The following MEG3 variants were observed in gnomAD, a reference collection of about 807,000 sequenced individuals.
The protein encoded by MEG3 is maternally expressed 3, also known as Very putative protein from MEG3 locus.
downstream of MEG3, chr14:100,831,803 A>G (rs983283746): frequency 1.7e-4 from 26 of 152,170 alleles, no homozygotes; most frequent in African/African-American, 5.1e-4. Flanking sequence ...TCCTAGTTAA[A>G]TTACTTAGTG....
chr14:100,836,041 G>C (rs1359539012), intron 1 of MEG3: 1 of 363,894 alleles, frequency 2.7e-6, no homozygotes, highest in African/African-American at 2.1e-5. Flanking sequence ...GCATCCCCCA[G>C]TAGTCACCCC....
intron 3 of MEG3, chr14:100,848,991 T>A (rs562972205): frequency 6.6e-6 from 1 of 151,842 alleles, no homozygotes; most frequent in South Asian, 2.1e-4. Context: ...AATAGAGGAG[T>A]GACCTGAATA....
exon 1 of MEG3, chr14:100,859,949 A>G (rs953283587): frequency 8.5e-5 from 13 of 152,238 alleles, no homozygotes; most frequent in African/African-American, 3.1e-4. Flanking sequence ...GTTGTTTGTA[A>G]CCTGGAAAGC....
exon 1 of MEG3, chr14:100,834,682 A>G (rs1566722441): frequency 2.2e-6 from 1 of 456,202 alleles, no homozygotes; most frequent in East Asian, 7.0e-5. Flanking sequence ...GTGTCTCCTC[A>G]GGGTGTCCCA....
At chr14:100,857,622 T>C (rs2038280684) in exon 1 of MEG3, 1 of 152,182 alleles carries the variant, frequency 6.6e-6, no homozygotes, top group East Asian at 1.9e-4. Flanking sequence ...GTTTGATTGA[T>C]GAGTGATGGC....
At chr14:100,850,710 A>G (rs766739182) in intron 3 of MEG3, 3 of 152,232 alleles carry the variant, frequency 2.0e-5, no homozygotes, top group Non-Finnish European at 2.9e-5. Flanking sequence ...AGAAATGAAT[A>G]AAGAATAAAA....
At chr14:100,828,488 C>T (rs1236998858) in intron 1 of MEG3, among the ~76,000 whole-genome samples, 3 of 83,194 alleles carry the variant, frequency 3.6e-5, no homozygotes, top group Non-Finnish European at 5.0e-5. Context: ...TCTCTTTTCC[C>T]CTCCCCTTCT....
At chr14:100,852,265 G>C, upstream of MEG3, 1 of 506,488 alleles carries the variant, frequency 2.0e-6, no homozygotes, top group South Asian at 1.4e-5. Flanking sequence ...CAAAGCTATG[G>C]GGTTATAGAC....
intron 2 of MEG3, among the ~76,000 whole-genome samples, chr14:100,842,528 T>C (rs946755386): frequency 1.3e-5 from 2 of 152,144 alleles, no homozygotes; most frequent in African/African-American, 2.4e-5. Context: ...GCAAAGAGCT[T>C]GCATTTGTCA....
chr14:100,844,275 G>A (rs916193919), intron 2 of MEG3, among the ~76,000 whole-genome samples: 4 of 152,062 alleles, frequency 2.6e-5, no homozygotes, highest in East Asian at 3.9e-4. Flanking sequence ...TCCAGGAAAC[G>A]GTCCCCAGAG....
At chr14:100,836,824 C>T (rs2037598421) in intron 2 of MEG3, among the ~76,000 whole-genome samples, 1 of 143,738 alleles carries the variant, frequency 7.0e-6, no homozygotes, top group African/African-American at 2.5e-5. Flanking sequence ...GTCCTTTAAT[C>T]AAATAGTGGT....
Position 100,850,860 on chromosome 14 carries a change from T to TGGTAGGAA in MEG3, n.3121+5337_3121+5344dup, listed in dbSNP as rs537104030. On this transcript the variant is annotated intron_variant and non_coding_transcript_variant, in intron 3 of 3. Transcript: ENST00000398461. ...ATGAACGAATGACTGGAAGAAAGGG[T>TGGTAGGAA]GGTAGGAAGGTAGGAAGAAAGGAAG... The TGGTAGGAA allele has an allele frequency of 4.6e-5, 7 of 151,218 alleles. No individual in the cohort carries two copies. In the East Asian group the frequency reaches 1.4e-3, roughly 30 times the overall value. 9.4% of individuals were successfully genotyped at this position (151,218 alleles called of 1,614,324 possible).
At chr14:100,849,993 T>C (rs2038020894) in intron 3 of MEG3, 1 of 152,144 alleles carries the variant, frequency 6.6e-6, no homozygotes, top group Admixed American at 6.5e-5. Flanking sequence ...TGTAATAAAA[T>C]AGATGCAATT....
rs1047291682 is a variant in MEG3 at position 100,837,627 on chromosome 14, G to T, written n.3045+1327G>T. Among the ~76,000 whole-genome samples, 1 of 152,094 alleles carries T rather than the reference G, an allele frequency of 6.6e-6. No homozygotes were observed. Among genetic ancestry groups the T allele is most frequent in the South Asian group, 2.1e-4 (1 of 4,820 alleles). ...GGCCCAGCCTCTAGTCCTCAGCCAT[G>T]TGCACGCATCAGCCCTTGTGCAGGC... On this transcript the variant is annotated intron_variant and non_coding_transcript_variant, in intron 2 of 3. Transcript: ENST00000398461. This position sits in a 1 kb window ranked among gnomAD's most constrained non-coding sequence, Gnocchi z 5.8.
chr14:100,833,553 C>A (rs2037458570), downstream of MEG3: 1 of 152,492 alleles, frequency 6.6e-6, no homozygotes, highest in African/African-American at 2.4e-5. Context: ...CCACCATGCC[C>A]AGCCCTATAG....
At chr14:100,857,404 CA>C (rs1217783994) in exon 1 of MEG3, 1 of 152,168 alleles carries the variant, frequency 6.6e-6, no homozygotes, top group Non-Finnish European at 1.5e-5. Context: ...TGTGTTTCAA[CA>C]GTGTGCAGAT....
exon 1 of MEG3, chr14:100,834,584 C>A (rs546403765): frequency 4.3e-5 from 18 of 417,728 alleles, no homozygotes; most frequent in African/African-American, 2.9e-4. Flanking sequence ...TTGCCTTCTT[C>A]CTCGTCTTCC....
downstream of MEG3, chr14:100,830,744 C>T (rs893968483): frequency 6.6e-6 from 1 of 152,170 alleles, no homozygotes; most frequent in Admixed American, 6.5e-5. Flanking sequence ...TCTTTCGTCC[C>T]GTTTTAAGCC....
At chr14:100,859,336 G>A (rs2038335800) in exon 1 of MEG3, 1 of 152,176 alleles carries the variant, frequency 6.6e-6, no homozygotes, top group Admixed American at 6.5e-5. Flanking sequence ...TCACTGGTGG[G>A]TTTCCCCCCA....
Sources: gnomAD v4.1 joint callset for allele counts (sites outside exome capture counted in the v4.1 genomes callset) on GRCh38, gnomAD v4.1.1 for gene constraint, Gnocchi (gnomAD v3.1) non-coding constraint, MANE v1.5 for transcripts, NCBI Gene and HGNC (gene_info 2026-07-23, HGNC 2026-07-21) for gene names.